The following GABRA5 variants were observed in gnomAD, a reference collection of about 807,000 sequenced individuals.
GABRA5 encodes gamma-aminobutyric acid receptor subunit alpha-5.
Under a neutral mutation model 47.3 loss-of-function variants are expected in GABRA5, and 18 were observed. The observed-to-expected ratio is 0.38, with a 90% confidence interval of 0.26 to 0.56. The LOEUF (loss-of-function observed/expected upper bound fraction) is 0.56, where lower values mean the gene tolerates loss of function less well. GABRA5 is among the 20% of genes least tolerant of loss of function. The pLI is 0.71. For missense variants in GABRA5, 365 were observed against 599.3 expected, an observed-to-expected ratio of 0.61 and a Z score of 4.08; for synonymous variants, 237 against 229.3, an observed-to-expected ratio of 1.03 and a Z score of -0.30.
At chr15:26,936,312 G>T (rs138967116) in intron 7 of GABRA5, among the ~76,000 whole-genome samples, 6 of 151,966 alleles carry the variant, frequency 3.9e-5, no homozygotes, top group African/African-American at 1.4e-4. Flanking sequence ...CCTAAGCTTT[G>T]GGCTCCTTTG....
Position 26,948,184 on chromosome 15 carries a change from C to T in GABRA5, c.1340C>T (p.Thr447Met). 2 of 1,613,778 alleles carry T rather than the reference C, an allele frequency of 1.2e-6. No individual in the cohort carries two copies. Among genetic ancestry groups the T allele is most frequent in the Non-Finnish European group, 1.7e-6 (2 of 1,179,844 alleles). The stretch of plus-strand genomic sequence containing the variant: ...ACTTTCAACTTAGTTTACTGGGCAA[C>T]GTATTTGAATAGGGAGCCGGTGATA... ...FGTFNLVYWA[T>M]YLNREPVIKG... Residue 447 changes from threonine (T) to methionine (M), a missense_variant, in exon 11 of 11, where the codon ACG (threonine) becomes ATG (methionine). By Grantham distance (81) the Thr-to-Met change is moderately conservative (BLOSUM62 -1). This residue lies in a region of GABRA5 where 106 missense variants were observed against 130.3 expected (regional missense o/e 0.81). Transcript: ENST00000335625.
chr15:26,939,806 T>C lies in GABRA5; in HGVS notation c.725-119T>C, dbSNP rs1566887494. 5.1e-5 allele frequency: 49 copies of C among 964,966 alleles called. No homozygotes were observed. In the East Asian group the frequency reaches 1.1e-3, roughly 22 times the overall value. The allele number at this position is 964,966 out of a possible 1,614,324, so 59.8% of individuals were successfully genotyped here. On this transcript the variant is annotated intron_variant, in intron 8 of 10. Transcript: ENST00000335625. ...TGTGTCCTCTCCTTAACCCAGATCA[T>C]ACAAATGAATGCTTGTCCAAACCGA...
intron 3 of GABRA5, chr15:26,877,627 C>G: frequency 4.4e-6 from 2 of 454,938 alleles, no homozygotes; most frequent in Non-Finnish European, 8.8e-6. Context: ...CACTAGCACC[C>G]GTGGTGGAAT....
chr15:26,893,205 G>C (rs372824942), intron 6 of GABRA5, among the ~76,000 whole-genome samples: 2,043 of 91,908 alleles, frequency 0.022, 105 homozygotes, highest in South Asian at 0.19. Flanking sequence ...ATAGTGTGTT[G>C]GGTGTGTATG....
intron 10 of GABRA5, among the ~76,000 whole-genome samples, chr15:26,944,222 C>G (rs1411182872): frequency 6.6e-6 from 1 of 152,210 alleles, no homozygotes; most frequent in Non-Finnish European, 1.5e-5. Flanking sequence ...ACCTCCCAGC[C>G]AAGGGCCACA....
intron 6 of GABRA5, among the ~76,000 whole-genome samples, chr15:26,911,398 A>C (rs34560591): frequency 0.2 from 18,878 of 96,524 alleles, 1,509 homozygotes; most frequent in Non-Finnish European, 0.26. Flanking sequence ...CACACACACA[A>C]ACACACACAC....
At chr15:26,939,876 C>T in intron 8 of GABRA5, 49 bp from the exon 9 acceptor site, 1 of 1,599,254 alleles carries the variant, frequency 6.3e-7, no homozygotes, top group Non-Finnish European at 8.6e-7. Context: ...TTGGATGCAG[C>T]AAGCAGAGAC....
chr15:26,908,484 G>T (rs1893499024), intron 6 of GABRA5, among the ~76,000 whole-genome samples: 1 of 152,214 alleles, frequency 6.6e-6, no homozygotes, highest in Non-Finnish European at 1.5e-5. Flanking sequence ...GCTGCAGAAT[G>T]CCAAACGCTG....
chr15:26,912,255 C>A (rs756932918), intron 6 of GABRA5, among the ~76,000 whole-genome samples: 2 of 152,188 alleles, frequency 1.3e-5, no homozygotes. Context: ...TATTTCCTGA[C>A]TAAAGTCTTC....
chr15:26,884,553 C>T (rs1168565329), intron 6 of GABRA5, among the ~76,000 whole-genome samples: 2 of 152,050 alleles, frequency 1.3e-5, no homozygotes, highest in Non-Finnish European at 2.9e-5. Context: ...ATTTCTCTAT[C>T]TTGCTACAAT....
intron 6 of GABRA5, among the ~76,000 whole-genome samples, chr15:26,902,978 G>A (rs1294086309): frequency 6.6e-6 from 1 of 152,032 alleles, no homozygotes; most frequent in Non-Finnish European, 1.5e-5. Flanking sequence ...TTTCATATTA[G>A]GTTCAGGGGT....
intron 6 of GABRA5, among the ~76,000 whole-genome samples, chr15:26,907,535 T>C (rs1411337507): frequency 1.3e-5 from 2 of 152,124 alleles, no homozygotes; most frequent in Non-Finnish European, 2.9e-5. Flanking sequence ...CCTTAGGAGG[T>C]TGGCAAACCA....
chr15:26,895,889 CCCA>C (rs1198966210), intron 6 of GABRA5, among the ~76,000 whole-genome samples: 2 of 151,980 alleles, frequency 1.3e-5, no homozygotes, highest in Non-Finnish European at 2.9e-5. Context: ...CAGCACCCAG[CCCA>C]GAGATACTCA....
chr15:26,936,956 C>T (rs1010815667), intron 7 of GABRA5, among the ~76,000 whole-genome samples: 23 of 152,170 alleles, frequency 1.5e-4, no homozygotes, highest in Admixed American at 1.2e-3. Context: ...ACAAGTGTAC[C>T]GGGAAGTGCC....
chr15:26,886,559 G>T (rs193177313), intron 6 of GABRA5, among the ~76,000 whole-genome samples: 4 of 152,314 alleles, frequency 2.6e-5, no homozygotes, highest in Admixed American at 1.3e-4. Context: ...AGGCTTAGGG[G>T]TGTTTGGTAA....
At chr15:26,923,250 C>A (rs1230482926) in intron 7 of GABRA5, among the ~76,000 whole-genome samples, 2 of 152,116 alleles carry the variant, frequency 1.3e-5, no homozygotes, top group African/African-American at 4.8e-5. Context: ...TTCTGTTAAG[C>A]AAACTTTCTC....
chr15:26,942,074 A>C (rs180794610), intron 9 of GABRA5, among the ~76,000 whole-genome samples: 1 of 152,188 alleles, frequency 6.6e-6, no homozygotes, highest in Non-Finnish European at 1.5e-5. Flanking sequence ...GGTGGAAGCT[A>C]TGTGAACTGC....
chr15:26,914,448 AAT>A (rs1476722495), intron 6 of GABRA5, among the ~76,000 whole-genome samples: 1 of 152,192 alleles, frequency 6.6e-6, no homozygotes, highest in Non-Finnish European at 1.5e-5. Context: ...AATTTTAGAA[AAT>A]GCATGTTTTC....
Position 26,883,625 on chromosome 15 carries a change from C to G in GABRA5, c.497+68C>G, listed in dbSNP as rs1190464583. ...GGGCAGGCGCGGCTGCCCATCCTGC[C>G]GCAAGAGCTGCGCCGCGGAGCTGTT... On this transcript the variant is annotated intron_variant, in intron 6 of 10. Coordinates refer to ENST00000335625, the MANE Select transcript of GABRA5 (RefSeq NM_000810.4). The surrounding 1 kb of genome is among the most constrained non-coding windows in gnomAD (Gnocchi z 4.8). The G allele has an allele frequency of 2.4e-6, 3 of 1,251,248 alleles. No individual in the cohort carries two copies. In the South Asian group the frequency reaches 4.4e-5, roughly 19 times the overall value. The allele number at this position is 1,251,248 out of a possible 1,614,324, so 77.5% of individuals were successfully genotyped here. A position where few individuals can be genotyped will look rare whatever the true frequency, so the allele number is the denominator to read the frequency against.
Sources: gnomAD v4.1 joint callset for allele counts (sites outside exome capture counted in the v4.1 genomes callset) on GRCh38, gnomAD v4.1.1 for gene constraint, gnomAD v4.1.1 regional missense constraint, Gnocchi (gnomAD v3.1) non-coding constraint, MANE v1.5 for transcripts, NCBI Gene and HGNC (gene_info 2026-07-23, HGNC 2026-07-21) for gene names.